ZACN: variants seen among roughly 807,000 people sequenced by gnomAD.
ZACN encodes the protein zinc activated ion channel.
In ZACN, 52 loss-of-function variants were observed where a neutral mutation model predicts 38.9. The observed-to-expected ratio is 1.34, with a 90% CI of 1.07 to 1.68. ZACN has a LOEUF of 1.68. ZACN is among the 40% of genes most tolerant of loss of function. ZACN has a pLI of 0.00. For missense variants in ZACN, 559 were observed against 525.6 expected (o/e 1.06, Z -0.62); for synonymous variants, 235 against 227.4 (o/e 1.03, Z -0.30).
At chr17:76,080,927 C>A in intron 5 of ZACN, 1 of 419,372 alleles carries the variant, frequency 2.4e-6, no homozygotes, top group South Asian at 1.8e-5. Context: ...CCCTTCCCTC[C>A]ATGAGAGACC....
At chr17:76,079,806 T>C (rs2066921339) in intron 3 of ZACN, 60 bp downstream of exon 3, 2 of 1,604,862 alleles carry the variant, frequency 1.2e-6, no homozygotes, top group African/African-American at 1.3e-5. Flanking sequence ...AGCTCAGAAC[T>C]ACCAGCCTTC....
At position 76,079,924 on chromosome 17, in the gene ZACN, G is replaced by T; in HGVS notation, c.304G>T (p.Ala102Ser). ...LDTRLAWNTSAHPRHAITLPW... is the reference protein window; with the variant it reads ...LDTRLAWNTSSHPRHAITLPW... ...CACTCGCCTGGCCTGGAACACTAGT[G>T]CACACCCGCGGCACGCCATCACGCT... The change falls in exon 4 of 9, where the codon GCA (alanine) becomes TCA (serine). Residue 102 changes from alanine (A) to serine (S), a missense_variant. Transcript: ENST00000334586. 6.2e-7 allele frequency: 1 copy of T among 1,600,352 alleles called. No individual in the cohort carries two copies. Among genetic ancestry groups the T allele is most frequent in the Non-Finnish European group, 8.5e-7 (1 of 1,173,562 alleles).
At chr17:76,081,075 G>A (rs890560031) in intron 5 of ZACN, 2 of 600,582 alleles carry the variant, frequency 3.3e-6, no homozygotes, top group African/African-American at 1.9e-5. Flanking sequence ...ATCTGATAAA[G>A]GCCTTCCTTC....
At position 76,080,990 on chromosome 17, in the gene ZACN, G is replaced by A. The variant is rs187179298; in HGVS notation, c.545-288G>A. On this transcript the variant is annotated intron_variant, in intron 5 of 8. Transcript: ENST00000334586. ...CAGCTGTGAGATGATAGACTGACGA[G>A]CCTGTGACCACTTCTCCCTCCATCA... The A allele has an allele frequency of 2.6e-3, 1,058 of 409,282 alleles. 3 individuals are homozygous for A. Among genetic ancestry groups the A allele is most frequent in the Admixed American group, 5.2e-3 (146 of 27,834 alleles). The allele number at this position is 409,282 out of a possible 1,614,324, so 25.4% of individuals were successfully genotyped here. A position where few individuals can be genotyped will look rare whatever the true frequency, so the allele number is the denominator to read the frequency against.
Position 76,079,998 on chromosome 17 carries a change from A to T in ZACN, c.374+4A>T. On this transcript the variant is annotated splice_donor_region_variant and intron_variant, in intron 4 of 8. Coordinates refer to ENST00000334586, the MANE Select transcript of ZACN (RefSeq NM_180990.4). ...CAAGGCTCACCATCCTGGAGGCGTAAGTGAGACAGTTCCTGCCCCAGGAAT... is the reference window on the plus strand; with the variant it reads ...CAAGGCTCACCATCCTGGAGGCGTATGTGAGACAGTTCCTGCCCCAGGAAT... 6.4e-7 allele frequency: 1 copy of T among 1,568,698 alleles called. No homozygotes were observed. Among genetic ancestry groups the T allele is most frequent in the Non-Finnish European group, 8.6e-7 (1 of 1,157,138 alleles).
chr17:76,080,879 A>G (rs747069640), intron 5 of ZACN: 24 of 463,470 alleles, frequency 5.2e-5, no homozygotes, highest in Non-Finnish European at 1.7e-5. Flanking sequence ...CCCTGTATAA[A>G]CCCATCAGGT....
Position 76,082,780 on chromosome 17 carries a change from C to T in ZACN, c.*127C>T, listed in dbSNP as rs754194069. On this transcript the variant is annotated 3_prime_UTR_variant, in exon 9 of 9. Coordinates refer to ENST00000334586, the MANE Select transcript of ZACN (RefSeq NM_180990.4). The stretch of plus-strand genomic sequence containing the variant: ...CCTCCGCTAGCACACAAGCACAGAG[C>T]GTGAAATAAACCCATCTCCAGTGCA... 1.7e-5 allele frequency: 16 copies of T among 928,740 alleles called. No homozygotes were observed. Among genetic ancestry groups the T allele is most frequent in the Admixed American group, 9.5e-5 (3 of 31,662 alleles). 57.5% of individuals were successfully genotyped at this position (928,740 alleles called of 1,614,324 possible).
At position 76,079,306 on chromosome 17, in the gene ZACN, G is replaced by T; in HGVS notation, c.42G>T (p.Gly14=). ...CCCTGCTCCATCTCACCTTCCTGGG[G>T]TTCAGCATTACCTTGCTGTTGGTCC... ...LWSLLHLTFL[G]FSITLLLVHG... is the part of the protein sequence containing the mutation. Residue 14 remains glycine (G), a synonymous_variant, in exon 1 of 9, where the codon GGG becomes GGT. Coordinates refer to ENST00000334586, the MANE Select transcript of ZACN (RefSeq NM_180990.4). 1 of 1,614,086 alleles carries T rather than the reference G, an allele frequency of 6.2e-7. No homozygotes were observed. Among genetic ancestry groups the T allele is most frequent in the Non-Finnish European group, 8.5e-7 (1 of 1,179,994 alleles).
chr17:76,080,179 G>A, intron 4 of ZACN, 76 bp from the exon 5 acceptor site: 2 of 1,517,382 alleles, frequency 1.3e-6, no homozygotes, highest in South Asian at 2.6e-5. Context: ...TGGGGTTGGG[G>A]TTGGGATGCC....
In ZACN at chr17:76,079,574, C is replaced by G; in HGVS notation, c.222+11C>G. 1.2e-6 allele frequency: 2 copies of G among 1,614,188 alleles called. No individual in the cohort carries two copies. The highest frequency in any genetic ancestry group is 1.7e-6 in the Non-Finnish European group (2 of 1,180,004). On this transcript the variant is annotated intron_variant, in intron 2 of 8. Transcript: ENST00000334586. Reference sequence around the variant, plus strand: ...AACGTGTTTAATGTGGTAAGTGCCTCTAGGCCAAGGGCCCCAAGTGCTGAG... The same window carrying G: ...AACGTGTTTAATGTGGTAAGTGCCTGTAGGCCAAGGGCCCCAAGTGCTGAG...
intron 8 of ZACN, chr17:76,082,262 C>A: frequency 1.3e-6 from 1 of 770,462 alleles, no homozygotes; most frequent in Non-Finnish European, 2.0e-6. Context: ...GACCTCAATC[C>A]CCTGATAACC....
At chr17:76,080,796 G>A (rs201860228) in intron 5 of ZACN, 6 of 480,862 alleles carry the variant, frequency 1.2e-5, no homozygotes, top group East Asian at 6.2e-5. Context: ...GCAGTGGCTC[G>A]GCCCCTTGCA....
chr17:76,080,544 A>G (rs746929194), intron 5 of ZACN, 120 bp downstream of exon 5: 2 of 1,397,172 alleles, frequency 1.4e-6, no homozygotes. Context: ...AAAGGCAGAC[A>G]GAAGGCGAAC....
At position 76,081,303 on chromosome 17, in the gene ZACN, C is replaced by A. The variant is rs747196753; in HGVS notation, c.570C>A (p.His190Gln). The A allele has an allele frequency of 5.0e-6, 8 of 1,613,938 alleles. No individual in the cohort carries two copies. Among genetic ancestry groups the A allele is most frequent in the Admixed American group, 1.7e-5 (1 of 60,002 alleles). The change falls in exon 6 of 9, where the codon CAC becomes CAA. Residue 190 changes from histidine to glutamine, a missense_variant. Coordinates refer to ENST00000334586, the MANE Select transcript of ZACN (RefSeq NM_180990.4). ...CGATGGAGTTAGAGTTCCAGGCCCA[C>A]GTGGTGAACGAGATTGTGAGTGTCA... ...NTAMELEFQAHVVNEIVSVKR... is the reference protein window; with the variant it reads ...NTAMELEFQAQVVNEIVSVKR...
At chr17:76,080,076 G>A in intron 4 of ZACN, 82 bp downstream of exon 4, 2 of 1,498,238 alleles carry the variant, frequency 1.3e-6, no homozygotes, top group Admixed American at 2.0e-5. Context: ...GGCTGTCTGA[G>A]TGAATATGAC....
intron 5 of ZACN, 22 bp from the exon 6 acceptor site, chr17:76,081,256 A>T: frequency 6.2e-7 from 1 of 1,612,752 alleles, no homozygotes; most frequent in Non-Finnish European, 8.5e-7. Context: ...CCTGGTTCAT[A>T]GTTCTCATTC....
rs1464579545 is a variant in ZACN at position 76,080,098 on chromosome 17, T to G, written c.374+104T>G. ...TGAGTGAATATGACCCTCCTGGCGGTCCCCGCCGGACTAGCAGTGCACCTT... is the reference window on the plus strand; with the variant it reads ...TGAGTGAATATGACCCTCCTGGCGGGCCCCGCCGGACTAGCAGTGCACCTT... On this transcript the variant is annotated intron_variant, in intron 4 of 8. Coordinates refer to ENST00000334586, the MANE Select transcript of ZACN (RefSeq NM_180990.4). 4 of 1,466,604 alleles carry G rather than the reference T, an allele frequency of 2.7e-6. No individual in the cohort carries two copies. In the Admixed American group the frequency reaches 8.2e-5, roughly 30 times the overall value. 90.8% of individuals were successfully genotyped at this position (1,466,604 alleles called of 1,614,324 possible).
Position 76,079,424 on chromosome 17 carries a change from A to T in ZACN, c.98-15A>T. On this transcript the variant is annotated splice_polypyrimidine_tract_variant and intron_variant, in intron 1 of 8. Coordinates refer to ENST00000334586, the MANE Select transcript of ZACN (RefSeq NM_180990.4). ...GCCCTAGGGCACCTGAGTGACCTTGACTTTTCTCTCTCAGTCTGGCCATCC... is the reference window on the plus strand; with the variant it reads ...GCCCTAGGGCACCTGAGTGACCTTGTCTTTTCTCTCTCAGTCTGGCCATCC... 6.2e-7 allele frequency: 1 copy of T among 1,614,110 alleles called. No individual in the cohort carries two copies. The highest frequency in any genetic ancestry group is 8.5e-7 in the Non-Finnish European group (1 of 1,179,998).
rs761887504 is a variant in ZACN, at chr17:76,080,306, C to T, written c.426C>T (p.Asp142=). 1.7e-5 allele frequency: 28 copies of T among 1,613,794 alleles called. No individual in the cohort carries two copies. Among genetic ancestry groups the T allele is most frequent in the African/African-American group, 1.7e-4 (13 of 75,046 alleles). ...DQSPQARVDQ[D]GHVKLNLALA... is the part of the protein sequence containing the mutation. Reference sequence around the variant, plus strand: ...GCCCCCAGGCTCGAGTAGACCAGGACGGCCACGTGAAGCTCAACCTGGCCC... The same window carrying T: ...GCCCCCAGGCTCGAGTAGACCAGGATGGCCACGTGAAGCTCAACCTGGCCC... The change falls in exon 5 of 9, where the codon GAC becomes GAT. Residue 142 remains aspartate, a synonymous_variant. Transcript: ENST00000334586.
Sources: gnomAD v4.1 joint callset for allele counts on GRCh38, gnomAD v4.1.1 for gene constraint, MANE v1.5 for transcripts, NCBI Gene and HGNC (gene_info 2026-07-23, HGNC 2026-07-21) for gene names.